Variants in SLC6A6 observed in about 807,000 individuals in gnomAD.
SLC6A6 encodes the protein sodium- and chloride-dependent taurine transporter.
A neutral mutation model predicts 68.8 loss-of-function variants in SLC6A6; 16 were observed. The observed-to-expected ratio is 0.23, with a 90% CI of 0.16 to 0.35. SLC6A6 has a LOEUF of 0.35. Among genes scored for constraint, SLC6A6 ranks in the 10% least tolerant of loss-of-function variants. The probability of loss-of-function intolerance (pLI) is 1.00; values close to 1 mark genes in which losing one functional copy is unlikely to be tolerated. For missense variants in SLC6A6, 474 were observed against 802.8 expected (o/e 0.59, Z 4.95); for synonymous variants, 312 against 315.4 (o/e 0.99, Z 0.12).
Position 14,415,494 on chromosome 3 carries a change from CT to C in SLC6A6, c.-53-917del, listed in dbSNP as rs551392165. Reference sequence around the variant, plus strand: ...ACCCACCCTCCCATGCCCTCTCCCCCTGAGACACCCACTGCCCATTTCTGCT... The same window carrying C: ...ACCCACCCTCCCATGCCCTCTCCCCCGAGACACCCACTGCCCATTTCTGCT... On this transcript the variant is annotated intron_variant, in intron 1 of 14. Transcript: ENST00000622186. 6.8e-4 allele frequency among the ~76,000 whole-genome samples: 103 copies of C among 152,356 alleles called. 1 individual carries two copies. The highest frequency in any genetic ancestry group is 2.3e-3 in the African/African-American group (95 of 41,580).
At chr3:14,405,224 G>A (rs1233611824) in intron 1 of SLC6A6, among the ~76,000 whole-genome samples, 2 of 152,086 alleles carry the variant, frequency 1.3e-5, no homozygotes, top group Non-Finnish European at 2.9e-5. Context: ...CCTTGCTTCT[G>A]TCCCTAGTTA....
At chr3:14,429,996 G>A (rs986482762) in intron 2 of SLC6A6, among the ~76,000 whole-genome samples, 1 of 152,108 alleles carries the variant, frequency 6.6e-6, no homozygotes, top group Non-Finnish European at 1.5e-5. Flanking sequence ...TGGGTGGGCG[G>A]GAAGGGCTTT....
At chr3:14,422,598 G>A (rs1161962560) in intron 2 of SLC6A6, among the ~76,000 whole-genome samples, 1 of 152,016 alleles carries the variant, frequency 6.6e-6, no homozygotes, top group African/African-American at 2.4e-5. Flanking sequence ...CCTTCTGGGG[G>A]CCTGCATGCA....
chr3:14,435,632 C>T lies in SLC6A6; in HGVS notation c.-11-7992C>T, dbSNP rs555368095. 1.2e-4 allele frequency among the ~76,000 whole-genome samples: 19 copies of T among 152,338 alleles called. 1 individual carries two copies. The South Asian group carries it at 2.9e-3, about 23-fold the overall frequency. ...TGTAGGCCAGCCTGGTCAGCATCTC[C>T]GCACGAGCCCATTCTTCCCTTTGCC... On this transcript the variant is annotated intron_variant, in intron 2 of 14. Coordinates refer to ENST00000622186, the MANE Select transcript of SLC6A6 (RefSeq NM_003043.6).
At chr3:14,464,046 C>T (rs1700557918) in intron 6 of SLC6A6, among the ~76,000 whole-genome samples, 1 of 152,182 alleles carries the variant, frequency 6.6e-6, no homozygotes, top group South Asian at 2.1e-4. Flanking sequence ...CCCAGCTGAC[C>T]CACAGCCTCT....
rs1343564399 is a variant in SLC6A6, at chr3:14,468,332, T to TG, written c.1096+122dup. 6.2e-6 allele frequency: 5 copies of TG among 804,008 alleles called. No individual in the cohort carries two copies. The allele number at this position is 804,008 out of a possible 1,614,324, so 49.8% of individuals were successfully genotyped here. ...GGGGGGACGAGCCTGGTTTCTAAAA[T>TG]GGACCCCCCCCCCGCCACCAAGATA... On this transcript the variant is annotated intron_variant, in intron 9 of 14. Transcript: ENST00000622186. This position sits in a 1 kb window ranked among gnomAD's most constrained non-coding sequence, Gnocchi z 4.5.
chr3:14,468,142 C>T lies in SLC6A6; in HGVS notation c.1026C>T (p.Phe342=). The change falls in exon 9 of 15, where the codon TTC becomes TTT. Residue 342 remains phenylalanine, a synonymous_variant. Transcript: ENST00000622186. This position sits in a 1 kb window ranked among gnomAD's most constrained non-coding sequence, Gnocchi z 4.5. ...LNSGTSFVSG[F]AIFSILGFMA... is the part of the protein sequence containing the mutation. ...GTGGTACCAGTTTTGTGTCTGGCTTCGCAATTTTTTCCATCCTGGGCTTCA... is the reference window on the plus strand; with the variant it reads ...GTGGTACCAGTTTTGTGTCTGGCTTTGCAATTTTTTCCATCCTGGGCTTCA... 1 of 1,614,026 alleles carries T rather than the reference C, an allele frequency of 6.2e-7. No individual in the cohort carries two copies. Among genetic ancestry groups the T allele is most frequent in the Non-Finnish European group, 8.5e-7 (1 of 1,179,996 alleles).
chr3:14,445,987 C>A, intron 4 of SLC6A6, 136 bp downstream of exon 4: 1 of 841,114 alleles, frequency 1.2e-6, no homozygotes, highest in Non-Finnish European at 1.9e-6. Flanking sequence ...AGATAGCAGC[C>A]AGTACAGTAC....
intron 10 of SLC6A6, among the ~76,000 whole-genome samples, chr3:14,474,127 T>C (rs1324983463): frequency 6.6e-6 from 1 of 152,190 alleles, no homozygotes; most frequent in South Asian, 2.1e-4. Flanking sequence ...AAATCGAACC[T>C]AAGTCACTGG....
chr3:14,420,869 A>G (rs1450509067), intron 2 of SLC6A6, among the ~76,000 whole-genome samples: 1 of 152,248 alleles, frequency 6.6e-6, no homozygotes, highest in African/African-American at 2.4e-5. Context: ...CATGGTAAGT[A>G]GATTTAAAGT....
chr3:14,441,580 C>G (rs914649755), intron 2 of SLC6A6, among the ~76,000 whole-genome samples: 4 of 152,314 alleles, frequency 2.6e-5, no homozygotes, highest in African/African-American at 9.6e-5. Flanking sequence ...CCACCCCGAG[C>G]CAGGGAGAGG....
At chr3:14,425,496 T>C (rs973250498) in intron 2 of SLC6A6, among the ~76,000 whole-genome samples, 1 of 152,032 alleles carries the variant, frequency 6.6e-6, no homozygotes, top group African/African-American at 2.4e-5. Flanking sequence ...ACCAAATAAA[T>C]AGATGAGTCA....
At chr3:14,410,093 G>T (rs903883652) in intron 1 of SLC6A6, among the ~76,000 whole-genome samples, 1 of 151,068 alleles carries the variant, frequency 6.6e-6, no homozygotes, top group Non-Finnish European at 1.5e-5. Flanking sequence ...GGCTGAGGCA[G>T]GAGAATCACT....
chr3:14,409,560 C>T (rs1202405466), intron 1 of SLC6A6, among the ~76,000 whole-genome samples: 1 of 152,246 alleles, frequency 6.6e-6, no homozygotes, highest in Non-Finnish European at 1.5e-5. Flanking sequence ...GACCGCACGG[C>T]AAACGTTCAT....
In SLC6A6 at chr3:14,445,869, G is replaced by A. The variant is rs1168357839; in HGVS notation, c.364+18G>A. ...GTTCTCTGGTGAGTATGGGACGGAG[G>A]TCACTTGGGGCCTGGCACTCATCAG... On this transcript the variant is annotated intron_variant, in intron 4 of 14. Transcript: ENST00000622186. 1 of 1,613,772 alleles carries A rather than the reference G, an allele frequency of 6.2e-7. No individual in the cohort carries two copies. Among genetic ancestry groups the A allele is most frequent in the Non-Finnish European group, 8.5e-7 (1 of 1,179,678 alleles).
Position 14,478,496 on chromosome 3 carries a change from T to C in SLC6A6, c.1378T>C (p.Tyr460His). The change falls in exon 12 of 15, where the codon TAC becomes CAC. Residue 460 changes from tyrosine (Y) to histidine (H), a missense_variant. This residue lies in a region of SLC6A6 where 194 missense variants were observed against 269.8 expected (regional missense o/e 0.72). Transcript: ENST00000622186. The stretch of plus-strand genomic sequence containing the variant: ...CATGTATGTGTTTCAGCTCTTTGAC[T>C]ACTATGCAGCTAGCGGTGTATGCCT... ...GGMYVFQLFDYYAASGVCLLW... is the reference protein window; with the variant it reads ...GGMYVFQLFDHYAASGVCLLW... 1 of 1,613,684 alleles carries C rather than the reference T, an allele frequency of 6.2e-7. No homozygotes were observed. The highest frequency in any genetic ancestry group is 8.5e-7 in the Non-Finnish European group (1 of 1,179,570).
chr3:14,444,654 T>G, intron 3 of SLC6A6: 1 of 440,244 alleles, frequency 2.3e-6, no homozygotes, highest in East Asian at 7.1e-5. Flanking sequence ...TCAGCAGAGA[T>G]GGGCATGCCT....
rs540524267 is a variant in SLC6A6 at position 14,408,846 on chromosome 3, G to A, written c.-54+5999G>A. On this transcript the variant is annotated intron_variant, in intron 1 of 14. Transcript: ENST00000622186. Reference sequence around the variant, plus strand: ...TTTTGGGACGGAGTCTCGCTCTGTCGCCCAGGCTGGAGTGCAGTGGCGTGA... The same window carrying A: ...TTTTGGGACGGAGTCTCGCTCTGTCACCCAGGCTGGAGTGCAGTGGCGTGA... Among the ~76,000 whole-genome samples the A allele has an allele frequency of 9.9e-4, 149 of 150,032 alleles. 2 individuals carry two copies. Among genetic ancestry groups the A allele is most frequent in the African/African-American group, 3.4e-3 (138 of 40,822 alleles).
chr3:14,461,092 T>C (rs1240640982), intron 6 of SLC6A6, among the ~76,000 whole-genome samples: 1 of 152,178 alleles, frequency 6.6e-6, no homozygotes, highest in Non-Finnish European at 1.5e-5. Context: ...TGCAGTTTCC[T>C]TTTTTGTAAT....
Sources: gnomAD v4.1 joint callset for allele counts (sites outside exome capture counted in the v4.1 genomes callset) on GRCh38, gnomAD v4.1.1 for gene constraint, gnomAD v4.1.1 regional missense constraint, Gnocchi (gnomAD v3.1) non-coding constraint, MANE v1.5 for transcripts, NCBI Gene and HGNC (gene_info 2026-07-23, HGNC 2026-07-21) for gene names.